PHACTR3: variants seen among roughly 807,000 people sequenced by gnomAD.
PHACTR3 encodes phosphatase and actin regulator 3.
A neutral mutation model predicts 66.8 loss-of-function variants in PHACTR3; 16 were observed. The observed-to-expected ratio is 0.24, with a 90% CI of 0.16 to 0.36. The LOEUF (loss-of-function observed/expected upper bound fraction) is 0.36, where lower values mean the gene tolerates loss of function less well. Ranked by LOEUF, PHACTR3 falls within the 10% of genes least tolerant of loss-of-function variation. PHACTR3 has a pLI of 1.00. For synonymous variants in PHACTR3, 323 were observed against 292.1 expected, an observed-to-expected ratio of 1.11 and a Z score of -1.08; for missense variants, 647 against 719.9, an observed-to-expected ratio of 0.90 and a Z score of 1.16.
chr20:59,706,370 C>T (rs1282594737), intron 1 of PHACTR3, among the ~76,000 whole-genome samples: 1 of 152,196 alleles, frequency 6.6e-6, no homozygotes, highest in Non-Finnish European at 1.5e-5. Flanking sequence ...AACTGCAGCA[C>T]GTTTCAGCTG....
intron 8 of PHACTR3, among the ~76,000 whole-genome samples, chr20:59,814,815 C>T (rs2041839645): frequency 1.3e-5 from 2 of 152,114 alleles, no homozygotes. Flanking sequence ...AATCTGAAGA[C>T]ACTGGGGTCT....
chr20:59,800,511 T>G (rs866192709), intron 7 of PHACTR3, among the ~76,000 whole-genome samples: 3 of 152,212 alleles, frequency 2.0e-5, no homozygotes, highest in Admixed American at 6.5e-5. Flanking sequence ...TTGTTTCTCT[T>G]GAGACATCTG....
At chr20:59,601,062 T>C (rs6026987), upstream of PHACTR3, among the ~76,000 whole-genome samples, 98 of 152,188 alleles carry the variant, frequency 6.4e-4, 1 homozygote, top group African/African-American at 2.3e-3. Flanking sequence ...ACCATCACCA[T>C]AATCTAATTT....
At chr20:59,599,927 A>C (rs1171579066), upstream of PHACTR3, among the ~76,000 whole-genome samples, 1 of 152,002 alleles carries the variant, frequency 6.6e-6, no homozygotes, top group East Asian at 1.9e-4. Context: ...CCCTTCTCTG[A>C]CAGCAGCCAG....
At chr20:59,712,304 C>T (rs2037939026) in intron 1 of PHACTR3, among the ~76,000 whole-genome samples, 1 of 152,116 alleles carries the variant, frequency 6.6e-6, no homozygotes, top group African/African-American at 2.4e-5. Context: ...ATGCTTTTCC[C>T]ATTGGCTTAT....
Position 59,736,764 on chromosome 20 carries a change from A to G in PHACTR3, c.119-6343A>G, listed in dbSNP as rs978595694. Among the ~76,000 whole-genome samples the G allele has an allele frequency of 5.3e-5, 8 of 152,108 alleles. No homozygotes were observed. The highest frequency in any genetic ancestry group is 1.9e-4 in the African/African-American group (8 of 41,442). ...TAAGTAGTTTTCTCTGAGCAGCACT[A>G]TTTTGAAGTTTCTCTTCTTGGGCGG... is the stretch of plus-strand genomic sequence containing the variant. On this transcript the variant is annotated intron_variant, in intron 1 of 12. Transcript: ENST00000371015. This position sits in a 1 kb window ranked among gnomAD's most constrained non-coding sequence, Gnocchi z 4.6.
intron 7 of PHACTR3, among the ~76,000 whole-genome samples, chr20:59,790,292 T>G (rs1219064138): frequency 6.6e-6 from 1 of 152,112 alleles, no homozygotes; most frequent in Non-Finnish European, 1.5e-5. Flanking sequence ...TTGGCATCCT[T>G]TTTCTTCTCT....
At chr20:59,661,823 G>A (rs902544183) in intron 1 of PHACTR3, among the ~76,000 whole-genome samples, 22 of 152,036 alleles carry the variant, frequency 1.4e-4, no homozygotes, top group African/African-American at 5.1e-4. Context: ...CTGTGTGCAC[G>A]ACTGGCTTCG....
intron 8 of PHACTR3, among the ~76,000 whole-genome samples, chr20:59,815,485 C>T (rs1245360824): frequency 1.4e-5 from 2 of 140,370 alleles, no homozygotes; most frequent in South Asian, 2.3e-4. Context: ...AGTGCAGTGG[C>T]GTGATCTCGG....
rs1406513603 is a variant in PHACTR3 at position 59,737,000 on chromosome 20, G to T, written c.119-6107G>T. On this transcript the variant is annotated intron_variant, in intron 1 of 12. Transcript: ENST00000371015. This position sits in a 1 kb window ranked among gnomAD's most constrained non-coding sequence, Gnocchi z 4.6. ...GGCATCTGTCCTGGTCAATGCATTGGATTTTTGGTTTAGGAGCAAAGGGTC... is the reference window on the plus strand; with the variant it reads ...GGCATCTGTCCTGGTCAATGCATTGTATTTTTGGTTTAGGAGCAAAGGGTC... Among the ~76,000 whole-genome samples, 2 of 152,174 alleles carry T rather than the reference G, an allele frequency of 1.3e-5. No homozygotes were observed. Among genetic ancestry groups the T allele is most frequent in the African/African-American group, 4.8e-5 (2 of 41,464 alleles).
At chr20:59,682,984 T>C (rs192182688) in intron 1 of PHACTR3, among the ~76,000 whole-genome samples, 101 of 152,342 alleles carry the variant, frequency 6.6e-4, no homozygotes, top group African/African-American at 2.2e-3. Context: ...GAGAACAGGC[T>C]AGTGTCCAGG....
At chr20:59,765,720 C>A (rs1431743014) in intron 4 of PHACTR3, among the ~76,000 whole-genome samples, 1 of 152,110 alleles carries the variant, frequency 6.6e-6, no homozygotes, top group Non-Finnish European at 1.5e-5. Context: ...GTTGTAACAC[C>A]CCCTCCCTGA....
chr20:59,612,302 G>A (rs942216390), intron 1 of PHACTR3, among the ~76,000 whole-genome samples: 1 of 152,036 alleles, frequency 6.6e-6, no homozygotes, highest in Non-Finnish European at 1.5e-5. Flanking sequence ...GCCTGCTGGG[G>A]CGGAGCTGCT....
At chr20:59,707,293 C>T (rs1416304486) in intron 1 of PHACTR3, among the ~76,000 whole-genome samples, 1 of 152,082 alleles carries the variant, frequency 6.6e-6, no homozygotes, top group Non-Finnish European at 1.5e-5. Context: ...CTTAGTGATA[C>T]GGTTTGGAAG....
At chr20:59,761,467 C>A (rs932996114) in intron 4 of PHACTR3, among the ~76,000 whole-genome samples, 1 of 152,174 alleles carries the variant, frequency 6.6e-6, no homozygotes, top group Non-Finnish European at 1.5e-5. Context: ...CCACATCCAT[C>A]CTTGGGCTGG....
chr20:59,596,556 AT>A (rs988473146), intron 1 of PHACTR3, among the ~76,000 whole-genome samples: 1 of 152,214 alleles, frequency 6.6e-6, no homozygotes, highest in African/African-American at 2.4e-5. Flanking sequence ...ATGGTATTTC[AT>A]TTTGTGAATG....
At chr20:59,812,967 C>T (rs896891458) in intron 8 of PHACTR3, among the ~76,000 whole-genome samples, 1 of 152,204 alleles carries the variant, frequency 6.6e-6, no homozygotes, top group Non-Finnish European at 1.5e-5. Flanking sequence ...CCCTCGCTCC[C>T]AGCCACTGAG....
Position 59,752,446 on chromosome 20 carries a change from C to T in PHACTR3, c.359-2736C>T, listed in dbSNP as rs548235854. ...CTGGGCTCCCACCGCTCCCCCAACCCCTCCCCAACCAGCGTTTCTTAGCAA... is the reference window on the plus strand; with the variant it reads ...CTGGGCTCCCACCGCTCCCCCAACCTCTCCCCAACCAGCGTTTCTTAGCAA... On this transcript the variant is annotated intron_variant, in intron 3 of 12. Transcript: ENST00000371015. Among the ~76,000 whole-genome samples, 15 of 150,454 alleles carry T rather than the reference C, an allele frequency of 1.0e-4. No homozygotes were observed. The East Asian group carries it at 2.9e-3, about 29-fold the overall frequency.
chr20:59,777,092 C>T (rs926340362), intron 7 of PHACTR3, among the ~76,000 whole-genome samples: 2 of 152,150 alleles, frequency 1.3e-5, no homozygotes, highest in Admixed American at 1.3e-4. Context: ...CCATTCTCTT[C>T]CAGTTTCTGG....
Sources: allele counts gnomAD v4.1 joint callset (sites outside exome capture counted in the v4.1 genomes callset), GRCh38; gene constraint gnomAD v4.1.1; non-coding constraint Gnocchi (gnomAD v3.1); transcripts MANE v1.5; gene names NCBI Gene and HGNC (gene_info 2026-07-23, HGNC 2026-07-21).